The following KIAA1549L variants were observed in gnomAD, a reference collection of about 807,000 sequenced individuals.
KIAA1549L encodes KIAA1549 like, also known as UPF0606 protein KIAA1549L.
KIAA1549L carries 88 observed loss-of-function variants against 160.7 expected under a neutral mutation model. The ratio of observed to expected loss-of-function variants is 0.55; its 90% confidence interval spans 0.46 to 0.65. KIAA1549L has a LOEUF of 0.65. Among genes scored for constraint, KIAA1549L ranks in the 30% least tolerant of loss-of-function variants. KIAA1549L has a pLI of 0.00. For synonymous variants in KIAA1549L, 950 were observed against 976.7 expected (o/e 0.97, Z 0.51); for missense variants, 2,258 against 2,437.5 (o/e 0.93, Z 1.55).
intron 1 of KIAA1549L, among the ~76,000 whole-genome samples, chr11:33,415,459 A>G (rs1387177367): frequency 6.6e-6 from 1 of 152,126 alleles, no homozygotes; most frequent in South Asian, 2.1e-4. Flanking sequence ...TCCTGCCTCT[A>G]CTTGGACCAG....
chr11:33,446,586 G>T (rs1481068973), intron 1 of KIAA1549L, among the ~76,000 whole-genome samples: 1 of 152,104 alleles, frequency 6.6e-6, no homozygotes, highest in African/African-American at 2.4e-5. Context: ...ACGTAGTTCT[G>T]CTCAGGGTCT....
intron 16 of KIAA1549L, among the ~76,000 whole-genome samples, chr11:33,640,490 G>A (rs1851554341): frequency 6.6e-6 from 1 of 152,180 alleles, no homozygotes; most frequent in African/African-American, 2.4e-5. Flanking sequence ...CAATCTATGT[G>A]GCAAAGCGTG....
intron 1 of KIAA1549L, among the ~76,000 whole-genome samples, chr11:33,409,832 G>A (rs1850752510): frequency 6.8e-6 from 1 of 147,882 alleles, no homozygotes; most frequent in Non-Finnish European, 1.5e-5. Context: ...GGTCCTCAGG[G>A]CATTTTGAGA....
chr11:33,573,868 AAC>A (rs1855355329), intron 9 of KIAA1549L, among the ~76,000 whole-genome samples: 1 of 152,204 alleles, frequency 6.6e-6, no homozygotes, highest in African/African-American at 2.4e-5. Flanking sequence ...AAAAATTAGT[AAC>A]AGTCTAAATG....
intron 1 of KIAA1549L, among the ~76,000 whole-genome samples, chr11:33,392,628 C>A (rs1850293054): frequency 6.6e-6 from 1 of 152,220 alleles, no homozygotes; most frequent in African/African-American, 2.4e-5. Context: ...ACATTCCCAT[C>A]TCTTCTCACT....
intron 1 of KIAA1549L, among the ~76,000 whole-genome samples, chr11:33,485,071 C>T (rs1258672167): frequency 1.3e-5 from 2 of 152,158 alleles, no homozygotes; most frequent in Non-Finnish European, 2.9e-5. Context: ...TCTTTATCAT[C>T]CACGACCCAG....
At chr11:33,448,267 C>T (rs1851655767) in intron 1 of KIAA1549L, among the ~76,000 whole-genome samples, 1 of 152,126 alleles carries the variant, frequency 6.6e-6, no homozygotes, top group Admixed American at 6.5e-5. Context: ...GAACTTAAAA[C>T]TCCACTAGTG....
chr11:33,494,167 A>G (rs1236806161), intron 1 of KIAA1549L, among the ~76,000 whole-genome samples: 2 of 152,222 alleles, frequency 1.3e-5, no homozygotes, highest in Admixed American at 6.5e-5. Flanking sequence ...ACTGAAGTTT[A>G]TCACTGTTGA....
intron 3 of KIAA1549L, 139 bp downstream of exon 3, chr11:33,545,517 A>G: frequency 2.8e-6 from 3 of 1,083,408 alleles, no homozygotes; most frequent in Non-Finnish European, 3.9e-6. Flanking sequence ...ATGTCTGGAG[A>G]CATTTTTGGT....
At chr11:33,549,627 C>A (rs551657114) in intron 4 of KIAA1549L, among the ~76,000 whole-genome samples, 1 of 152,324 alleles carries the variant, frequency 6.6e-6, no homozygotes, top group African/African-American at 2.4e-5. Flanking sequence ...CAAAGGCACA[C>A]CCATCCTGTT....
At chr11:33,389,946 G>A (rs1203387053) in intron 1 of KIAA1549L, among the ~76,000 whole-genome samples, 2 of 152,218 alleles carry the variant, frequency 1.3e-5, no homozygotes, top group African/African-American at 4.8e-5. Context: ...GGGGCCTCAG[G>A]CCATGGGGGA....
chr11:33,642,852 A>G (rs570384384), intron 16 of KIAA1549L, among the ~76,000 whole-genome samples: 1 of 152,362 alleles, frequency 6.6e-6, no homozygotes, highest in South Asian at 2.1e-4. Flanking sequence ...CTATCTATCT[A>G]ACAAGGGGAA....
intron 1 of KIAA1549L, among the ~76,000 whole-genome samples, chr11:33,411,907 G>A (rs1850792439): frequency 6.9e-6 from 1 of 144,322 alleles, no homozygotes; most frequent in East Asian, 1.9e-4. Flanking sequence ...GTCTTCTCTT[G>A]CCTCCCTTGT....
At chr11:33,584,956 T>C (rs1855763467) in intron 11 of KIAA1549L, among the ~76,000 whole-genome samples, 2 of 152,226 alleles carry the variant, frequency 1.3e-5, no homozygotes, top group South Asian at 2.1e-4. Flanking sequence ...AGATCGTCCT[T>C]GCGGGGGTCA....
rs1443848422 is a variant in KIAA1549L, at chr11:33,530,431, AAAAAAATATATATATATAT to A, written c.239-11369_239-11351del. 2.4e-3 allele frequency among the ~76,000 whole-genome samples: 31 copies of A among 12,892 alleles called. 1 individual carries two copies. The highest frequency in any genetic ancestry group is 0.02 in the South Asian group (9 of 446). The allele number at this position is 12,892 out of a possible 152,430, so 8.5% of individuals were successfully genotyped here. Reference sequence around the variant, plus strand: ...AGAAGAAGGAAAAAAAAAAAAAAAAAAAAAAATATATATATATATATATATATATATATATATATATATA... The same window carrying A: ...AGAAGAAGGAAAAAAAAAAAAAAAAAATATATATATATATATATATATATA... On this transcript the variant is annotated intron_variant, in intron 1 of 20. Transcript: ENST00000658780.
chr11:33,516,139 CTTTTTTTTTTTTTT>C (rs927894187), intron 1 of KIAA1549L, among the ~76,000 whole-genome samples: 1 of 43,288 alleles, frequency 2.3e-5, no homozygotes. Context: ...GGAGGTGATT[CTTTTTTTTTTTTTT>C]TTTTTTTTTT....
chr11:33,521,448 T>A (rs889006712), intron 1 of KIAA1549L, among the ~76,000 whole-genome samples: 1 of 152,216 alleles, frequency 6.6e-6, no homozygotes, highest in Non-Finnish European at 1.5e-5. Flanking sequence ...CCTAATAGCA[T>A]TGTTGTGAGT....
intron 1 of KIAA1549L, among the ~76,000 whole-genome samples, chr11:33,396,757 G>C (rs1199555356): frequency 6.6e-6 from 1 of 151,988 alleles, no homozygotes; most frequent in South Asian, 2.1e-4. Context: ...TTTGAGACCA[G>C]CCTGGCCAAC....
At chr11:33,436,143 G>A (rs1851376419) in intron 1 of KIAA1549L, among the ~76,000 whole-genome samples, 3 of 151,930 alleles carry the variant, frequency 2.0e-5, no homozygotes, top group South Asian at 4.1e-4. Flanking sequence ...ATATCTCAGG[G>A]ACATGAGCAT....
Sources: allele counts gnomAD v4.1 joint callset (sites outside exome capture counted in the v4.1 genomes callset), GRCh38; gene constraint gnomAD v4.1.1; transcripts MANE v1.5; gene names NCBI Gene and HGNC (gene_info 2026-07-23, HGNC 2026-07-21).